The following INPP5F variants were observed in gnomAD, a reference collection of about 807,000 sequenced individuals.
INPP5F encodes inositol polyphosphate-5-phosphatase F, also known as phosphatidylinositide 4-phosphatase SAC2.
Under a neutral mutation model 137.2 loss-of-function variants are expected in INPP5F, and 97 were observed. That is an observed-to-expected ratio of 0.71 (90% CI 0.60 to 0.84). INPP5F has a LOEUF of 0.84. Ranked by LOEUF, INPP5F falls within the 40% of genes least tolerant of loss-of-function variation. INPP5F has a pLI of 0.00. For synonymous variants in INPP5F, 504 were observed against 476.9 expected (o/e 1.06, Z -0.74); for missense variants, 1,271 against 1,371.9 (o/e 0.93, Z 1.16).
intron 1 of INPP5F, among the ~76,000 whole-genome samples, chr10:119,741,402 C>G (rs140705292): frequency 1.8e-3 from 275 of 152,316 alleles, no homozygotes; most frequent in African/African-American, 6.1e-3. Flanking sequence ...TGCTCCCTGT[C>G]TTATTCTGCA....
chr10:119,810,936 G>A lies in INPP5F; in HGVS notation c.1687+719G>A, dbSNP rs954413174. Among the ~76,000 whole-genome samples the A allele has an allele frequency of 3.3e-5, 5 of 152,264 alleles. No individual in the cohort carries two copies. The East Asian group carries it at 9.6e-4, about 29-fold the overall frequency. ...GCACACATCAGACTAGTAGGGCCTAGACACAGGCCACTTAGGAATTTGAGA... is the reference window on the plus strand; with the variant it reads ...GCACACATCAGACTAGTAGGGCCTAAACACAGGCCACTTAGGAATTTGAGA... On this transcript the variant is annotated intron_variant, in intron 14 of 19. Transcript: ENST00000650623.
chr10:119,807,999 T>A lies in INPP5F; in HGVS notation c.1508T>A (p.Ile503Lys). The A allele has an allele frequency of 6.2e-7, 1 of 1,614,046 alleles. No individual in the cohort carries two copies. Among genetic ancestry groups the A allele is most frequent in the Non-Finnish European group, 8.5e-7 (1 of 1,179,996 alleles). Residue 503 changes from isoleucine (I) to lysine (K), a missense_variant, in exon 13 of 20, where the codon ATA (isoleucine) becomes AAA (lysine). Physicochemically the swap from Ile to Lys is moderately radical, Grantham distance 102 (BLOSUM62 -3). Around this residue, in one of 6 missense-constraint regions of INPP5F, gnomAD observed 593 missense variants for 712.4 expected, o/e 0.83. Transcript: ENST00000650623. ...GTGAAATGTAATCGCATCTACCAGA[T>A]AATGTGGGCCAATAATGGTGACTCC... is the stretch of plus-strand genomic sequence containing the variant. ...LPVKCNRIYQIMWANNGDSIS... is the reference protein window; with the variant it reads ...LPVKCNRIYQKMWANNGDSIS...
intron 9 of INPP5F, chr10:119,799,230 G>C (rs1054389616): frequency 2.9e-6 from 1 of 342,136 alleles, no homozygotes; most frequent in Non-Finnish European, 5.8e-6. Flanking sequence ...TAGTAATTCT[G>C]TTATCCATTA....
chr10:119,807,821 A>G, intron 12 of INPP5F, 111 bp from the exon 13 acceptor site: 1 of 1,031,134 alleles, frequency 9.7e-7, no homozygotes, highest in Non-Finnish European at 1.4e-6. Flanking sequence ...CATTTCTCTT[A>G]TTTAAGGGTC....
chr10:119,729,185 G>A (rs552248201), intron 1 of INPP5F, among the ~76,000 whole-genome samples: 14 of 152,174 alleles, frequency 9.2e-5, no homozygotes, highest in African/African-American at 3.4e-4. Flanking sequence ...TTGCTCTGTT[G>A]CCCAGGCTGG....
At chr10:119,781,527 G>T in intron 2 of INPP5F, 108 bp from the exon 3 acceptor site, 1 of 922,880 alleles carries the variant, frequency 1.1e-6, no homozygotes, top group Admixed American at 3.2e-5. Flanking sequence ...AGTTTATTTT[G>T]GATGCACACT....
intron 1 of INPP5F, among the ~76,000 whole-genome samples, chr10:119,732,508 T>TTTTTC (rs1848109443): frequency 1.4e-5 from 2 of 147,588 alleles, no homozygotes; most frequent in African/African-American, 5.0e-5. Flanking sequence ...TTCTTTTTTT[T>TTTTTC]TTTTTTTTTG....
chr10:119,760,593 C>T (rs1245316579), intron 2 of INPP5F, among the ~76,000 whole-genome samples: 1 of 152,136 alleles, frequency 6.6e-6, no homozygotes, highest in Admixed American at 6.5e-5. Context: ...AAAGTAATTC[C>T]AGTCAAATTA....
chr10:119,747,467 G>C (rs964139231), intron 1 of INPP5F, among the ~76,000 whole-genome samples: 1 of 152,048 alleles, frequency 6.6e-6, no homozygotes, highest in Non-Finnish European at 1.5e-5. Context: ...AATCCACCCA[G>C]CTTGGCCTCC....
chr10:119,799,563 TATG>T (rs1850510357), intron 9 of INPP5F, among the ~76,000 whole-genome samples: 1 of 151,928 alleles, frequency 6.6e-6, no homozygotes, highest in South Asian at 2.1e-4. Flanking sequence ...TGAAAAAAAA[TATG>T]AGGTTTGATG....
chr10:119,804,387 G>A, intron 10 of INPP5F, 90 bp downstream of exon 10: 1 of 1,105,216 alleles, frequency 9.0e-7, no homozygotes, highest in Non-Finnish European at 1.2e-6. Context: ...TCTTTGCTGG[G>A]AATAAAAATT....
At chr10:119,756,518 C>G (rs906676781) in intron 2 of INPP5F, among the ~76,000 whole-genome samples, 1 of 151,900 alleles carries the variant, frequency 6.6e-6, no homozygotes, top group African/African-American at 2.4e-5. Flanking sequence ...CACCTGTAAT[C>G]CCACCTACCC....
At chr10:119,762,182 T>G (rs1056333671) in intron 2 of INPP5F, among the ~76,000 whole-genome samples, 10 of 152,286 alleles carry the variant, frequency 6.6e-5, no homozygotes, top group African/African-American at 2.4e-4. Flanking sequence ...TGTATAATAG[T>G]TCTTTGTCTG....
At chr10:119,746,148 C>T (rs1848525683) in intron 1 of INPP5F, among the ~76,000 whole-genome samples, 1 of 152,194 alleles carries the variant, frequency 6.6e-6, no homozygotes, top group Non-Finnish European at 1.5e-5. Flanking sequence ...TAACGTGATA[C>T]AGTGTCTGGT....
chr10:119,739,529 G>C (rs569352500), intron 1 of INPP5F, among the ~76,000 whole-genome samples: 1 of 152,306 alleles, frequency 6.6e-6, no homozygotes, highest in South Asian at 2.1e-4. Flanking sequence ...TTGAATGAGT[G>C]CCTGTTATGC....
At position 119,827,055 on chromosome 10, in the gene INPP5F, TGTG is replaced by T; in HGVS notation, c.2677_2679del (p.Gly893del). 6.2e-7 allele frequency: 1 copy of T among 1,614,148 alleles called. No individual in the cohort carries two copies. Among genetic ancestry groups the T allele is most frequent in the Non-Finnish European group, 8.5e-7 (1 of 1,180,008 alleles). On this transcript the variant is annotated inframe_deletion, in exon 20 of 20. Transcript: ENST00000650623. ...GCCAATAGATTACGTTCTTCCTAGTTGTGGTATTATTGCCTCAGCGCCTCGATT... is the reference window on the plus strand; with the variant it reads ...GCCAATAGATTACGTTCTTCCTAGTTGTATTATTGCCTCAGCGCCTCGATT...
At chr10:119,763,203 C>T (rs1316674803) in intron 2 of INPP5F, among the ~76,000 whole-genome samples, 1 of 152,214 alleles carries the variant, frequency 6.6e-6, no homozygotes. Flanking sequence ...GAATAATCTT[C>T]ACTGAGTCCA....
chr10:119,744,499 C>T (rs1426574149), intron 1 of INPP5F, among the ~76,000 whole-genome samples: 3 of 22,980 alleles, frequency 1.3e-4, no homozygotes, highest in Non-Finnish European at 2.5e-4. Flanking sequence ...ATACCTGTAG[C>T]ATTTTTTTTT....
intron 2 of INPP5F, among the ~76,000 whole-genome samples, chr10:119,759,249 G>A (rs1044757422): frequency 3.9e-5 from 6 of 152,116 alleles, no homozygotes; most frequent in Non-Finnish European, 8.8e-5. Flanking sequence ...TTGAACTCCT[G>A]GGCTCAAGCA....
Sources: gnomAD v4.1 joint callset for allele counts (sites outside exome capture counted in the v4.1 genomes callset) on GRCh38, gnomAD v4.1.1 for gene constraint, gnomAD v4.1.1 regional missense constraint, MANE v1.5 for transcripts, NCBI Gene and HGNC (gene_info 2026-07-23, HGNC 2026-07-21) for gene names.